Variants in MTUS2 observed in about 807,000 individuals in gnomAD.
MTUS2 encodes microtubule associated scaffold protein 2.
Under a neutral mutation model 114.1 loss-of-function variants are expected in MTUS2, and 40 were observed. The ratio of observed to expected loss-of-function variants is 0.35; its 90% CI spans 0.27 to 0.46. MTUS2 has a LOEUF of 0.46. Ranked by LOEUF, MTUS2 falls within the 20% of genes least tolerant of loss-of-function variation. MTUS2 has a pLI of 1.00. For missense variants in MTUS2, 1,679 were observed against 1,705.4 expected, an observed-to-expected ratio of 0.98 and a Z score of 0.27; for synonymous variants, 688 against 672.0, an observed-to-expected ratio of 1.02 and a Z score of -0.37.
chr13:29,111,988 G>C (rs1305471444), intron 5 of MTUS2, among the ~76,000 whole-genome samples: 2 of 152,136 alleles, frequency 1.3e-5, no homozygotes, highest in Non-Finnish European at 2.9e-5. Context: ...TGGTCATGTT[G>C]AGAAGCATTC....
At chr13:29,363,872 A>C (rs912513091) in intron 8 of MTUS2, among the ~76,000 whole-genome samples, 1 of 152,158 alleles carries the variant, frequency 6.6e-6, no homozygotes, top group Non-Finnish European at 1.5e-5. Flanking sequence ...TGGGCACTTA[A>C]CAGGCATTAT....
At chr13:28,821,293 TAA>T (rs1489190246) in intron 1 of MTUS2, among the ~76,000 whole-genome samples, 1 of 152,198 alleles carries the variant, frequency 6.6e-6, no homozygotes, top group Non-Finnish European at 1.5e-5. Flanking sequence ...GACCCTATAT[TAA>T]AAAAGTCATT....
chr13:29,084,787 C>CCA (rs1889610035), intron 4 of MTUS2, among the ~76,000 whole-genome samples: 1 of 112,262 alleles, frequency 8.9e-6, no homozygotes, highest in African/African-American at 3.8e-5. Context: ...ATCCACCCCC[C>CCA]CCCCTCACCG....
intron 6 of MTUS2, among the ~76,000 whole-genome samples, chr13:29,302,464 T>A (rs1899248007): frequency 6.6e-6 from 1 of 152,028 alleles, no homozygotes; most frequent in African/African-American, 2.4e-5. Flanking sequence ...GTCCCAGGAG[T>A]GTCACATACT....
At chr13:29,200,839 C>T (rs1055195803) in intron 5 of MTUS2, among the ~76,000 whole-genome samples, 8 of 151,904 alleles carry the variant, frequency 5.3e-5, no homozygotes, top group Admixed American at 6.6e-5. Context: ...TTCTTAATCC[C>T]GAGTTCTAAT....
chr13:29,272,763 T>A (rs770037799), intron 5 of MTUS2, among the ~76,000 whole-genome samples: 1 of 152,250 alleles, frequency 6.6e-6, no homozygotes, highest in African/African-American at 2.4e-5. Context: ...TGAATTTGCA[T>A]GTGTCTTCCT....
intron 2 of MTUS2, among the ~76,000 whole-genome samples, chr13:28,861,261 T>C (rs968152217): frequency 6.6e-6 from 1 of 152,162 alleles, no homozygotes; most frequent in African/African-American, 2.4e-5. Flanking sequence ...CATTTAACAA[T>C]GATTGCTGGA....
intron 5 of MTUS2, among the ~76,000 whole-genome samples, chr13:29,267,700 A>T (rs1328418366): frequency 6.6e-6 from 1 of 152,194 alleles, no homozygotes. Context: ...TTCATGGTTG[A>T]TATCACGAGA....
chr13:28,969,789 C>A (rs1234059131), intron 2 of MTUS2, among the ~76,000 whole-genome samples: 1 of 144,550 alleles, frequency 6.9e-6, no homozygotes, highest in Admixed American at 7.4e-5. Flanking sequence ...AGGCGTGAGC[C>A]ACTGCGCCCG....
chr13:28,970,659 A>G (rs974540745), intron 2 of MTUS2, among the ~76,000 whole-genome samples: 1 of 152,232 alleles, frequency 6.6e-6, no homozygotes, highest in African/African-American at 2.4e-5. Flanking sequence ...TATGCAAGAA[A>G]TGCTTACATT....
intron 7 of MTUS2, among the ~76,000 whole-genome samples, chr13:29,351,413 A>G (rs771875574): frequency 1.3e-5 from 2 of 152,094 alleles, no homozygotes; most frequent in African/African-American, 2.4e-5. Flanking sequence ...AAAACAAGCC[A>G]TAACAACAAA....
chr13:28,892,144 A>G (rs1460390309), intron 2 of MTUS2, among the ~76,000 whole-genome samples: 1 of 152,182 alleles, frequency 6.6e-6, no homozygotes, highest in African/African-American at 2.4e-5. Flanking sequence ...TTCACTCCAT[A>G]TTCCTGGACT....
intron 2 of MTUS2, among the ~76,000 whole-genome samples, chr13:28,879,759 A>G (rs1878175116): frequency 6.6e-6 from 1 of 152,040 alleles, no homozygotes; most frequent in South Asian, 2.1e-4. Flanking sequence ...AACTCTCTAA[A>G]GTGAGGTCAA....
intron 5 of MTUS2, among the ~76,000 whole-genome samples, chr13:29,161,272 A>T (rs1217391364): frequency 1.3e-5 from 2 of 152,166 alleles, no homozygotes; most frequent in African/African-American, 4.8e-5. Context: ...ATTTTCCAAG[A>T]TGTTGCTACT....
chr13:29,354,026 C>G (rs538535901), intron 7 of MTUS2, among the ~76,000 whole-genome samples: 26 of 152,282 alleles, frequency 1.7e-4, no homozygotes, highest in Non-Finnish European at 2.6e-4. Context: ...CTCCTGACCT[C>G]CCTGAGCCCC....
At chr13:29,163,204 A>G (rs1429459148) in intron 5 of MTUS2, among the ~76,000 whole-genome samples, 1 of 152,204 alleles carries the variant, frequency 6.6e-6, no homozygotes, top group Non-Finnish European at 1.5e-5. Flanking sequence ...TAAAATTCAC[A>G]ACAAATCATC....
intron 7 of MTUS2, among the ~76,000 whole-genome samples, chr13:29,347,187 T>C (rs4463937): frequency 0.73 from 110,938 of 152,076 alleles, 44,550 homozygotes; most frequent in East Asian, 0.9. Flanking sequence ...GTCTGCCATT[T>C]TCCCTCACTT....
At chr13:28,992,351 T>C (rs967797729) in intron 2 of MTUS2, among the ~76,000 whole-genome samples, 3 of 152,186 alleles carry the variant, frequency 2.0e-5, no homozygotes, top group African/African-American at 7.2e-5. Flanking sequence ...TATTAGTGTT[T>C]GGTTTCAGAG....
chr13:29,149,500 C>T (rs1892581286), intron 5 of MTUS2, among the ~76,000 whole-genome samples: 1 of 152,102 alleles, frequency 6.6e-6, no homozygotes, highest in South Asian at 2.1e-4. Context: ...TGATCTTTTG[C>T]TGTGCAGAAG....
Sources: gnomAD v4.1 joint callset for allele counts (sites outside exome capture counted in the v4.1 genomes callset) on GRCh38, gnomAD v4.1.1 for gene constraint, MANE v1.5 for transcripts, NCBI Gene and HGNC (gene_info 2026-07-23, HGNC 2026-07-21) for gene names.